RELN: variants seen among roughly 807,000 people sequenced by gnomAD.
RELN encodes reelin.
RELN carries 108 observed loss-of-function variants against 427.6 expected under a neutral mutation model. That is an observed-to-expected ratio of 0.25 (90% confidence interval 0.22 to 0.30). The LOEUF (loss-of-function observed/expected upper bound fraction) is 0.30, where lower values mean the gene tolerates loss of function less well. RELN is among the 10% of genes least tolerant of loss of function. The probability of loss-of-function intolerance (pLI) is 1.00; values close to 1 mark genes in which losing one functional copy is unlikely to be tolerated. For synonymous variants in RELN, 1,524 were observed against 1,513.4 expected, an observed-to-expected ratio of 1.01 and a Z score of -0.16; for missense variants, 3,715 against 4,302.8, an observed-to-expected ratio of 0.86 and a Z score of 3.82.
intron 64 of RELN, among the ~76,000 whole-genome samples, chr7:103,473,780 A>C (rs1480698730): frequency 2.6e-5 from 4 of 152,198 alleles, no homozygotes; most frequent in Non-Finnish European, 5.9e-5. Context: ...ACATCACTGA[A>C]AGGATCATAT....
intron 1 of RELN, among the ~76,000 whole-genome samples, chr7:103,955,580 T>C (rs1361778507): frequency 6.6e-6 from 1 of 152,212 alleles, no homozygotes; most frequent in African/African-American, 2.4e-5. Context: ...CTGATTATTG[T>C]ATTTGGCTTC....
intron 16 of RELN, among the ~76,000 whole-genome samples, chr7:103,647,237 G>C (rs1832816183): frequency 6.6e-6 from 1 of 151,686 alleles, no homozygotes; most frequent in Admixed American, 6.6e-5. Context: ...AGAAATAAAA[G>C]GCACCCAAAT....
chr7:103,600,875 T>C lies in RELN; in HGVS notation c.3333+2429A>G, dbSNP rs73420642. ...TGTCATAAAATTCAACTATGATACCTAACACATATGATCTCTTTCTGTGTT... is the reference window on the plus strand; with the variant it reads ...TGTCATAAAATTCAACTATGATACCCAACACATATGATCTCTTTCTGTGTT... On this transcript the variant is annotated intron_variant, in intron 24 of 64. Coordinates refer to ENST00000428762, the MANE Select transcript of RELN (RefSeq NM_005045.4). 2.5e-3 allele frequency among the ~76,000 whole-genome samples: 374 copies of C among 152,310 alleles called. 2 individuals carry two copies. Among genetic ancestry groups the C allele is most frequent in the Middle Eastern group, 0.01 (3 of 294 alleles).
chr7:103,494,497 C>G (rs1828770784), intron 57 of RELN, among the ~76,000 whole-genome samples: 1 of 150,554 alleles, frequency 6.6e-6, no homozygotes, highest in South Asian at 2.1e-4. Context: ...GCCTCAGCTT[C>G]CTGAGCAGCT....
At chr7:103,655,915 T>G (rs558592590) in intron 12 of RELN, among the ~76,000 whole-genome samples, 1 of 152,228 alleles carries the variant, frequency 6.6e-6, no homozygotes, top group African/African-American at 2.4e-5. Flanking sequence ...TATTCCCTCA[T>G]GCTTAGCAGT....
chr7:103,606,916 T>C (rs1170370669), intron 22 of RELN, among the ~76,000 whole-genome samples: 1 of 152,000 alleles, frequency 6.6e-6, no homozygotes, highest in East Asian at 1.9e-4. Context: ...CACCTATGAG[T>C]AAGAACATGC....
At chr7:103,916,765 G>C (rs1313043537) in intron 2 of RELN, among the ~76,000 whole-genome samples, 3 of 152,094 alleles carry the variant, frequency 2.0e-5, no homozygotes, top group African/African-American at 7.2e-5. Context: ...GTGGACATCA[G>C]AGCAAATTCC....
At position 103,514,674 on chromosome 7, in the gene RELN, T is replaced by C. The variant is rs180693207; in HGVS notation, c.8119+511A>G. Among the ~76,000 whole-genome samples, 396 of 150,884 alleles carry C rather than the reference T, an allele frequency of 2.6e-3. 2 individuals carry two copies. Among genetic ancestry groups the C allele is most frequent in the Non-Finnish European group, 4.6e-3 (309 of 67,640 alleles). ...AACTGACTTAAAAAAAAGAGAGGAGTACAAAGAGGTCCTTCCTGCTTCACC... is the reference window on the plus strand; with the variant it reads ...AACTGACTTAAAAAAAAGAGAGGAGCACAAAGAGGTCCTTCCTGCTTCACC... On this transcript the variant is annotated intron_variant, in intron 50 of 64. Transcript: ENST00000428762.
rs116821684 is a variant in RELN at position 103,796,493 on chromosome 7, T to A, written c.474-19866A>T. 7.2e-3 allele frequency among the ~76,000 whole-genome samples: 1,089 copies of A among 152,278 alleles called. 7 individuals are homozygous for A. Among genetic ancestry groups the A allele is most frequent in the African/African-American group, 0.02 (841 of 41,560 alleles). ...GTTGTAGTGAGAAGAATAGAAATAATCTTCTTTCCCTGGATACAATTCATA... is the reference window on the plus strand; with the variant it reads ...GTTGTAGTGAGAAGAATAGAAATAAACTTCTTTCCCTGGATACAATTCATA... On this transcript the variant is annotated intron_variant, in intron 3 of 64. Coordinates refer to ENST00000428762, the MANE Select transcript of RELN (RefSeq NM_005045.4).
At chr7:103,911,826 G>T (rs1320514201) in intron 2 of RELN, among the ~76,000 whole-genome samples, 1 of 134,308 alleles carries the variant, frequency 7.4e-6, no homozygotes, top group Non-Finnish European at 1.6e-5. Context: ...GACACAGGAA[G>T]GGGAATATCA....
At chr7:103,800,740 T>C (rs1244461066) in intron 3 of RELN, among the ~76,000 whole-genome samples, 1 of 152,116 alleles carries the variant, frequency 6.6e-6, no homozygotes, top group Non-Finnish European at 1.5e-5. Context: ...GGGATCTAAT[T>C]AAAGTGAAGA....
intron 11 of RELN, among the ~76,000 whole-genome samples, chr7:103,662,140 CAGT>C (rs939281333): frequency 2.6e-4 from 40 of 152,164 alleles, no homozygotes; most frequent in African/African-American, 9.7e-4. Context: ...TTAATTCTCA[CAGT>C]GACCCTATGA....
intron 38 of RELN, among the ~76,000 whole-genome samples, chr7:103,554,207 AC>A (rs1218273029): frequency 1.5e-5 from 2 of 137,930 alleles, no homozygotes; most frequent in East Asian, 4.3e-4. Flanking sequence ...CACACAAACC[AC>A]CCCCCGCCAA....
chr7:103,574,318 A>G lies in RELN; in HGVS notation c.4304-19T>C, dbSNP rs745307164. 2 of 1,603,368 alleles carry G rather than the reference A, an allele frequency of 1.2e-6. No individual in the cohort carries two copies. The highest frequency in any genetic ancestry group is 1.7e-6 in the Non-Finnish European group (2 of 1,170,500). ...TGTGCAGCTTCAGAAAAAGAAATAG[A>G]GAGGAGAGATGCTTTGTTGGAATCA... On this transcript the variant is annotated intron_variant, in intron 29 of 64. Coordinates refer to ENST00000428762, the MANE Select transcript of RELN (RefSeq NM_005045.4).
At position 103,491,850 on chromosome 7, in the gene RELN, TCTCTCTCACACACACACACA is replaced by T. The variant is rs761377502; in HGVS notation, c.9443+83_9443+102del. 14,134 of 505,064 alleles carry T rather than the reference TCTCTCTCACACACACACACA, an allele frequency of 0.028. 140 individuals are homozygous for T. Among genetic ancestry groups the T allele is most frequent in the African/African-American group, 0.034 (1,058 of 31,346 alleles). The allele number at this position is 505,064 out of a possible 1,614,324, so 31.3% of individuals were successfully genotyped here. On this transcript the variant is annotated intron_variant, in intron 58 of 64. Coordinates refer to ENST00000428762, the MANE Select transcript of RELN (RefSeq NM_005045.4). ...CTCTCTCTCTCTCTCTCTCTCTCTC[TCTCTCTCACACACACACACA>T]CACACACACACACACACACACACAC...
chr7:103,596,366 C>T (rs2117254634), intron 25 of RELN, 90 bp downstream of exon 25: 1 of 1,150,380 alleles, frequency 8.7e-7, no homozygotes. Flanking sequence ...TCTATTTTTG[C>T]AACAGTTAAC....
chr7:103,828,254 GC>G (rs1793189420), intron 3 of RELN, among the ~76,000 whole-genome samples: 1 of 151,944 alleles, frequency 6.6e-6, no homozygotes, highest in Non-Finnish European at 1.5e-5. Context: ...ATTATTTTGA[GC>G]CTGGCAGGTG....
intron 2 of RELN, among the ~76,000 whole-genome samples, chr7:103,913,684 A>T (rs1281005943): frequency 6.6e-6 from 1 of 152,138 alleles, no homozygotes; most frequent in East Asian, 1.9e-4. Context: ...ATACCCCAAA[A>T]ATTAATGTGC....
intron 10 of RELN, among the ~76,000 whole-genome samples, chr7:103,694,493 A>ATGATGATGATGATGG (rs1236533802): frequency 6.6e-6 from 1 of 151,418 alleles, no homozygotes; most frequent in African/African-American, 2.4e-5. Flanking sequence ...GATGATGATG[A>ATGATGATGATGATGG]TGATGATGAT....
Sources: allele counts gnomAD v4.1 joint callset (sites outside exome capture counted in the v4.1 genomes callset), GRCh38; gene constraint gnomAD v4.1.1; transcripts MANE v1.5; gene names NCBI Gene and HGNC (gene_info 2026-07-23, HGNC 2026-07-21).